The following ERBIN variants were observed in gnomAD, a reference collection of about 807,000 sequenced individuals.
ERBIN encodes densin-180-like protein.
A neutral mutation model predicts 158.4 loss-of-function variants in ERBIN; 60 were observed. The observed-to-expected ratio is 0.38, with a 90% CI of 0.31 to 0.47. The LOEUF is 0.47. ERBIN is among the 20% of genes least tolerant of loss of function. The pLI is 0.99. For synonymous variants in ERBIN, 594 were observed against 557.2 expected, an observed-to-expected ratio of 1.07 and a Z score of -0.93; for missense variants, 1,610 against 1,648.0, an observed-to-expected ratio of 0.98 and a Z score of 0.40.
intron 1 of ERBIN, among the ~76,000 whole-genome samples, chr5:65,942,554 A>G (rs907477837): frequency 1.2e-4 from 18 of 152,272 alleles, no homozygotes; most frequent in African/African-American, 3.9e-4. Flanking sequence ...GTTTACATCA[A>G]TATTTGAGCC....
At chr5:66,074,873 A>C (rs1761845269) in intron 22 of ERBIN, 151 bp from the exon 23 acceptor site, 2 of 671,434 alleles carry the variant, frequency 3.0e-6, no homozygotes, top group Non-Finnish European at 5.0e-6. Context: ...TAAGTTTTAA[A>C]ATTATAGAAA....
chr5:66,035,676 ATATG>A (rs1253266623), intron 14 of ERBIN, among the ~76,000 whole-genome samples: 1 of 152,188 alleles, frequency 6.6e-6, no homozygotes, highest in Non-Finnish European at 1.5e-5. Flanking sequence ...CAGATAATAT[ATATG>A]GTCATATTCC....
chr5:65,996,158 G>A (rs1456823225), intron 4 of ERBIN, among the ~76,000 whole-genome samples: 1 of 150,818 alleles, frequency 6.6e-6, no homozygotes, highest in African/African-American at 2.4e-5. Context: ...GTGCTTTTGG[G>A]GTCATATTAA....
chr5:65,963,862 T>C (rs1050302516), intron 1 of ERBIN, among the ~76,000 whole-genome samples: 9 of 150,410 alleles, frequency 6.0e-5, no homozygotes, highest in Non-Finnish European at 1.3e-4. Context: ...CGATTTCAAC[T>C]CACTGCAAGC....
intron 1 of ERBIN, among the ~76,000 whole-genome samples, chr5:65,949,090 A>G (rs561945234): frequency 5.9e-5 from 9 of 152,220 alleles, no homozygotes; most frequent in Non-Finnish European, 7.4e-5. Context: ...TGCAAAATCA[A>G]TTGAGGAAAT....
intron 1 of ERBIN, among the ~76,000 whole-genome samples, chr5:65,968,504 G>A (rs1484596493): frequency 1.3e-5 from 2 of 152,146 alleles, no homozygotes; most frequent in African/African-American, 4.8e-5. Context: ...CATTTATTGA[G>A]TAAAGAAGGA....
chr5:65,940,837 C>T (rs952493493), intron 1 of ERBIN, among the ~76,000 whole-genome samples: 4 of 152,086 alleles, frequency 2.6e-5, no homozygotes, highest in African/African-American at 9.6e-5. Context: ...TCATTGAGAA[C>T]GGGCCATGAT....
At chr5:65,997,536 T>A (rs903690003) in intron 4 of ERBIN, among the ~76,000 whole-genome samples, 1 of 152,184 alleles carries the variant, frequency 6.6e-6, no homozygotes, top group Non-Finnish European at 1.5e-5. Flanking sequence ...TTGAAATTTT[T>A]AGAATGAGTG....
intron 1 of ERBIN, among the ~76,000 whole-genome samples, chr5:65,937,856 C>A (rs1744277897): frequency 6.6e-6 from 1 of 152,116 alleles, no homozygotes; most frequent in South Asian, 2.1e-4. Flanking sequence ...TTGTAGTGAG[C>A]CGAGATCGTG....
chr5:65,940,950 CT>C (rs1580089168), intron 1 of ERBIN, among the ~76,000 whole-genome samples: 2 of 151,954 alleles, frequency 1.3e-5, no homozygotes, highest in South Asian at 4.2e-4. Flanking sequence ...ACACGGGAGA[CT>C]TTTCATTTTG....
intron 16 of ERBIN, 29 bp from the exon 17 acceptor site, chr5:66,044,098 ATATTTGTACT>A: frequency 7.0e-7 from 1 of 1,421,040 alleles, no homozygotes. Context: ...GACATTAGAA[ATATTTGTACT>A]TCATATTTTA....
intron 1 of ERBIN, among the ~76,000 whole-genome samples, chr5:65,939,544 T>A (rs1249416518): frequency 1.3e-5 from 2 of 151,130 alleles, no homozygotes; most frequent in Non-Finnish European, 3.0e-5. Context: ...CCCCTCTCCC[T>A]CTCCCCACGG....
At chr5:66,070,952 A>G (rs960442232) in intron 21 of ERBIN, among the ~76,000 whole-genome samples, 4 of 152,178 alleles carry the variant, frequency 2.6e-5, no homozygotes, top group Non-Finnish European at 4.4e-5. Flanking sequence ...CAATAGTGCT[A>G]TTTATCACAA....
chr5:66,024,521 T>C, intron 10 of ERBIN, 71 bp downstream of exon 10: 1 of 1,439,932 alleles, frequency 6.9e-7, no homozygotes, highest in Non-Finnish European at 9.4e-7. Context: ...ATCTCAAATT[T>C]CACTTGTTAT....
intron 5 of ERBIN, among the ~76,000 whole-genome samples, chr5:66,012,984 T>C (rs932854742): frequency 1.3e-5 from 2 of 152,216 alleles, no homozygotes; most frequent in African/African-American, 4.8e-5. Context: ...CTGGGGGCTC[T>C]CATGCCCCAG....
At chr5:66,015,543 T>C (rs1754625716) in intron 7 of ERBIN, among the ~76,000 whole-genome samples, 1 of 152,178 alleles carries the variant, frequency 6.6e-6, no homozygotes, top group African/African-American at 2.4e-5. Flanking sequence ...CCTAAAATTT[T>C]TTAGGTGTAC....
intron 1 of ERBIN, among the ~76,000 whole-genome samples, chr5:65,973,636 A>G (rs251327): frequency 0.75 from 112,673 of 150,702 alleles, 44,111 homozygotes; most frequent in Non-Finnish European, 0.86. Flanking sequence ...TTTTATTTAT[A>G]GTCACTTTCA....
intron 1 of ERBIN, among the ~76,000 whole-genome samples, chr5:65,939,629 C>T: frequency 6.6e-6 from 1 of 152,200 alleles, no homozygotes; most frequent in South Asian, 2.1e-4. Flanking sequence ...GCCATCTCGG[C>T]TCACTGCAGC....
intron 4 of ERBIN, among the ~76,000 whole-genome samples, chr5:66,011,740 CAGAA>C (rs1276773052): frequency 2.6e-5 from 4 of 151,754 alleles, no homozygotes; most frequent in African/African-American, 4.8e-5. Flanking sequence ...GTGAGAGAAA[CAGAA>C]AGAATGTTAA....
Sources: allele counts gnomAD v4.1 joint callset (sites outside exome capture counted in the v4.1 genomes callset), GRCh38; gene constraint gnomAD v4.1.1; transcripts MANE v1.5; gene names NCBI Gene and HGNC (gene_info 2026-07-23, HGNC 2026-07-21).